Variants in PTPRK observed in about 807,000 individuals in gnomAD.
PTPRK encodes receptor-type tyrosine-protein phosphatase kappa.
A neutral mutation model predicts 178.0 loss-of-function variants in PTPRK; 75 were observed. That is an observed-to-expected ratio of 0.42 (90% CI 0.35 to 0.51). The LOEUF (loss-of-function observed/expected upper bound fraction) is 0.51. Among genes scored for constraint, PTPRK ranks in the 20% least tolerant of loss-of-function variants. The probability of loss-of-function intolerance (pLI) is 0.02; values close to 1 mark genes in which losing one functional copy is unlikely to be tolerated. For synonymous variants in PTPRK, 637 were observed against 620.6 expected, an observed-to-expected ratio of 1.03 and a Z score of -0.39; for missense variants, 1,441 against 1,797.8, an observed-to-expected ratio of 0.80 and a Z score of 3.59.
intron 1 of PTPRK, among the ~76,000 whole-genome samples, chr6:128,452,826 C>T (rs764701484): frequency 6.6e-5 from 10 of 152,110 alleles, no homozygotes; most frequent in Non-Finnish European, 1.0e-4. Context: ...TGGAAAACAA[C>T]CTTAAATTGG....
chr6:128,054,883 C>G (rs1349383674), intron 13 of PTPRK, among the ~76,000 whole-genome samples: 1 of 152,178 alleles, frequency 6.6e-6, no homozygotes, highest in Non-Finnish European at 1.5e-5. Context: ...TGCCACAGGT[C>G]ATGAGGATAT....
chr6:128,335,586 G>A (rs1415954499), intron 2 of PTPRK, among the ~76,000 whole-genome samples: 1 of 151,956 alleles, frequency 6.6e-6, no homozygotes, highest in Admixed American at 6.6e-5. Flanking sequence ...GGAAAACAGG[G>A]TGGTAGAGAA....
At chr6:128,518,120 G>A (rs1450439717) in intron 1 of PTPRK, among the ~76,000 whole-genome samples, 3 of 152,206 alleles carry the variant, frequency 2.0e-5, no homozygotes, top group African/African-American at 7.2e-5. Context: ...GGGAATAAAA[G>A]ACATTCATTT....
At chr6:127,978,086 G>T (rs1190456597) in intron 25 of PTPRK, among the ~76,000 whole-genome samples, 1 of 152,164 alleles carries the variant, frequency 6.6e-6, no homozygotes, top group Non-Finnish European at 1.5e-5. Flanking sequence ...ATTCAGCGTT[G>T]GCTGAAGACT....
At chr6:128,479,067 CACTG>C (rs1244767344) in intron 1 of PTPRK, among the ~76,000 whole-genome samples, 8 of 152,024 alleles carry the variant, frequency 5.3e-5, no homozygotes, top group Admixed American at 1.3e-4. Context: ...CCTCAGCAAA[CACTG>C]ACTCTACTAG....
chr6:128,495,468 A>G (rs1854516819), intron 1 of PTPRK, among the ~76,000 whole-genome samples: 1 of 152,080 alleles, frequency 6.6e-6, no homozygotes, highest in Admixed American at 6.6e-5. Flanking sequence ...AAAAAAAAAA[A>G]TCCTCCTTAA....
Position 128,286,306 on chromosome 6 carries a change from T to C in PTPRK, c.495+35733A>G, listed in dbSNP as rs372499073. Among the ~76,000 whole-genome samples, 11 of 152,336 alleles carry C rather than the reference T, an allele frequency of 7.2e-5. No individual in the cohort carries two copies. The South Asian group carries it at 2.3e-3, about 32-fold the overall frequency. ...TTTAGAAAATATTTGGCCATTACTT[T>C]TCCAAATATTTTTGTTCTCCTTCTC... On this transcript the variant is annotated intron_variant, in intron 3 of 29. Transcript: ENST00000368226.
intron 3 of PTPRK, among the ~76,000 whole-genome samples, chr6:128,271,053 GA>G (rs1171256469): frequency 1.3e-5 from 2 of 152,122 alleles, no homozygotes; most frequent in East Asian, 3.9e-4. Context: ...GAGTAGCCTT[GA>G]AGGTATTAAA....
At chr6:128,113,006 C>A (rs1287409433) in intron 7 of PTPRK, among the ~76,000 whole-genome samples, 1 of 152,064 alleles carries the variant, frequency 6.6e-6, no homozygotes, top group Non-Finnish European at 1.5e-5. Context: ...TTCCTCTCTT[C>A]CATACACTTA....
chr6:128,105,182 G>A (rs1456304259), intron 7 of PTPRK, among the ~76,000 whole-genome samples: 4 of 149,260 alleles, frequency 2.7e-5, no homozygotes, highest in Non-Finnish European at 5.9e-5. Context: ...CGCCCAGGCT[G>A]GAGTGCAGTG....
In PTPRK at chr6:128,520,369, G is replaced by T; in HGVS notation, c.-11C>A. The T allele has an allele frequency of 6.3e-7, 1 of 1,598,926 alleles. No homozygotes were observed. The highest frequency in any genetic ancestry group is 8.5e-7 in the Non-Finnish European group (1 of 1,172,348). ...CGCAGTCGTATCCATGCCGAGTTTG[G>T]GAGAAGTTTCAAGCAGCTTTGCAAA... On this transcript the variant is annotated 5_prime_UTR_variant, in exon 1 of 30. Coordinates refer to ENST00000368226, the MANE Select transcript of PTPRK (RefSeq NM_002844.4).
intron 7 of PTPRK, among the ~76,000 whole-genome samples, chr6:128,156,497 C>G (rs535903880): frequency 3.4e-4 from 51 of 151,468 alleles, no homozygotes; most frequent in African/African-American, 1.2e-3. Context: ...GAGAGAGAGA[C>G]AGTGAAGGTG....
Position 128,005,160 on chromosome 6 carries a change from A to C in PTPRK, c.2418T>G (p.Tyr806Ter). ...CTGCATGCAGAGTGCTCTGATCAGC[A>C]TAACTTCGATCCATTGCATTCACCA... ...THMVNAMDRS[Y>*]ADQSTLHAED... Residue 806 changes from tyrosine to a stop codon, truncating the protein, a stop_gained, in exon 15 of 30, where the codon TAT becomes TAG. Coordinates refer to ENST00000368226, the MANE Select transcript of PTPRK (RefSeq NM_002844.4). LOFTEE classifies it high-confidence loss of function. 1.2e-6 allele frequency: 2 copies of C among 1,611,802 alleles called. No homozygotes were observed. Among genetic ancestry groups the C allele is most frequent in the Non-Finnish European group, 1.7e-6 (2 of 1,178,638 alleles).
chr6:128,068,996 T>G (rs1288505125), intron 11 of PTPRK, among the ~76,000 whole-genome samples: 1 of 150,836 alleles, frequency 6.6e-6, no homozygotes, highest in Non-Finnish European at 1.5e-5. Context: ...GAGAGAGAGA[T>G]ACACTGAACA....
chr6:128,283,405 A>G (rs1821987836), intron 3 of PTPRK, among the ~76,000 whole-genome samples: 2 of 152,166 alleles, frequency 1.3e-5, no homozygotes, highest in African/African-American at 4.8e-5. Flanking sequence ...GTATGAGAAG[A>G]ATTTCTCAGT....
intron 11 of PTPRK, among the ~76,000 whole-genome samples, chr6:128,075,908 G>T (rs1244287268): frequency 6.6e-6 from 1 of 151,946 alleles, no homozygotes; most frequent in Non-Finnish European, 1.5e-5. Context: ...GCTATAATTA[G>T]GGAAGGACAG....
chr6:128,191,735 T>C (rs1803835067), intron 6 of PTPRK, among the ~76,000 whole-genome samples: 1 of 151,540 alleles, frequency 6.6e-6, no homozygotes, highest in Non-Finnish European at 1.5e-5. Flanking sequence ...AAAAAAAAAA[T>C]CTCTAGTCCA....
intron 11 of PTPRK, among the ~76,000 whole-genome samples, chr6:128,073,125 AGAT>A (rs1195058940): frequency 6.6e-6 from 1 of 152,110 alleles, no homozygotes; most frequent in African/African-American, 2.4e-5. Context: ...TTCCTTTAGC[AGAT>A]GATAAGCTTA....
At chr6:128,061,653 A>T (rs1780843486) in intron 13 of PTPRK, among the ~76,000 whole-genome samples, 1 of 152,056 alleles carries the variant, frequency 6.6e-6, no homozygotes, top group South Asian at 2.1e-4. Context: ...GACCCTTTTC[A>T]TTCAGCCCAG....
Sources: gnomAD v4.1 joint callset for allele counts (sites outside exome capture counted in the v4.1 genomes callset) on GRCh38, gnomAD v4.1.1 for gene constraint, MANE v1.5 for transcripts, NCBI Gene and HGNC (gene_info 2026-07-23, HGNC 2026-07-21) for gene names.